The following U2SURP variants were observed in gnomAD, a reference collection of about 807,000 sequenced individuals.
The protein encoded by U2SURP is U2 snRNP-associated SURP motif-containing protein.
Under a neutral mutation model 144.9 loss-of-function variants are expected in U2SURP, and 9 were observed. The ratio of observed to expected loss-of-function variants is 0.06; its 90% CI spans 0.04 to 0.11. The LOEUF (loss-of-function observed/expected upper bound fraction) is 0.11, where lower values mean the gene tolerates loss of function less well. Among genes scored for constraint, U2SURP ranks in the 10% least tolerant of loss-of-function variants. The probability of loss-of-function intolerance (pLI) is 1.00; values close to 1 mark genes in which losing one functional copy is unlikely to be tolerated. For missense variants in U2SURP, 724 were observed against 1,226.7 expected (o/e 0.59, Z 6.12); for synonymous variants, 408 against 396.8 (o/e 1.03, Z -0.33).
At chr3:143,029,437 T>C (rs1031202809) in intron 16 of U2SURP, among the ~76,000 whole-genome samples, 4 of 152,188 alleles carry the variant, frequency 2.6e-5, no homozygotes, top group African/African-American at 9.7e-5. Flanking sequence ...TTCATTATTA[T>C]TGTATCTGTT....
chr3:143,005,373 T>C (rs1466576562), intron 1 of U2SURP, among the ~76,000 whole-genome samples: 2 of 152,240 alleles, frequency 1.3e-5, no homozygotes, highest in Admixed American at 1.3e-4. Context: ...TTTTCATTTT[T>C]TGTGGTACCT....
intron 3 of U2SURP, among the ~76,000 whole-genome samples, chr3:143,012,786 A>C (rs1431303619): frequency 6.6e-6 from 1 of 152,160 alleles, no homozygotes; most frequent in Non-Finnish European, 1.5e-5. Context: ...TGCAGTGCCC[A>C]GGGTAATACA....
chr3:143,004,353 GTTTTTTTT>G (rs869186497), intron 1 of U2SURP, among the ~76,000 whole-genome samples: 29 of 83,422 alleles, frequency 3.5e-4, no homozygotes, highest in East Asian at 2.5e-3. Flanking sequence ...TAGTTGGGGT[GTTTTTTTT>G]TTTTTTTTTT....
intron 20 of U2SURP, among the ~76,000 whole-genome samples, 198 bp downstream of exon 20, chr3:143,036,302 T>C (rs1415009786): frequency 6.6e-6 from 1 of 152,200 alleles, no homozygotes; most frequent in African/African-American, 2.4e-5. Flanking sequence ...TCTTGTGTCC[T>C]TATGTGAAAA....
At chr3:143,001,745 C>G (rs532293687) in intron 1 of U2SURP, 72 bp downstream of exon 1, 1 of 1,585,264 alleles carries the variant, frequency 6.3e-7, no homozygotes, top group Admixed American at 1.7e-5. Flanking sequence ...CGCTTCTGGC[C>G]TGTGAGAGGC....
rs1935273620 is a variant in U2SURP at position 143,059,094 on chromosome 3, G to A, written c.*2644G>A. ...CAGACCTATGATGGAAAATGATCAC[G>A]TCTCTGAATTTTTTCTTTAACGTTA... On this transcript the variant is annotated 3_prime_UTR_variant, in exon 28 of 28. Transcript: ENST00000473835. 1 of 152,314 alleles carries A rather than the reference G, an allele frequency of 6.6e-6. No homozygotes were observed. Among genetic ancestry groups the A allele is most frequent in the Non-Finnish European group, 1.5e-5 (1 of 67,820 alleles). 9.4% of individuals were successfully genotyped at this position (152,314 alleles called of 1,614,324 possible). A position where few individuals can be genotyped will look rare whatever the true frequency, so the allele number is the denominator to read the frequency against.
chr3:143,020,775 G>C, intron 8 of U2SURP, 82 bp downstream of exon 8: 1 of 1,048,140 alleles, frequency 9.5e-7, no homozygotes, highest in Non-Finnish European at 1.4e-6. Context: ...TACATTCCAA[G>C]GATCACCAGT....
At position 143,057,108 on chromosome 3, in the gene U2SURP, G is replaced by A. The variant is rs896034603; in HGVS notation, c.*658G>A. 5.9e-5 allele frequency: 9 copies of A among 152,380 alleles called. No individual in the cohort carries two copies. The highest frequency in any genetic ancestry group is 1.9e-4 in the African/African-American group (8 of 41,418). The allele number at this position is 152,380 out of a possible 1,614,324, so 9.4% of individuals were successfully genotyped here. ...AAAGACTAGGTAGATATGGCATGGCGTTTTGTTAGTGGAATGCCTGGCTAA... is the reference window on the plus strand; with the variant it reads ...AAAGACTAGGTAGATATGGCATGGCATTTTGTTAGTGGAATGCCTGGCTAA... On this transcript the variant is annotated 3_prime_UTR_variant, in exon 28 of 28. Transcript: ENST00000473835.
At chr3:143,019,313 C>T (rs768815976) in intron 6 of U2SURP, among the ~76,000 whole-genome samples, 1 of 152,022 alleles carries the variant, frequency 6.6e-6, no homozygotes, top group Non-Finnish European at 1.5e-5. Flanking sequence ...CTTTTGTTTA[C>T]GCTTTTGGTG....
chr3:143,014,392 G>A lies in U2SURP; in HGVS notation c.304G>A (p.Glu102Lys). The A allele has an allele frequency of 1.2e-6, 2 of 1,603,518 alleles. No homozygotes were observed. The highest frequency in any genetic ancestry group is 1.7e-6 in the Non-Finnish European group (2 of 1,172,812). Residue 102 changes from glutamate to lysine, a missense_variant, in exon 4 of 28, where the codon GAA becomes AAA. Coordinates refer to ENST00000473835, the MANE Select transcript of U2SURP (RefSeq NM_001080415.2). ...GCGAACTTTAAGTAAAAAGGAACAG[G>A]AAGAATTAAAGAAAAAGGTAATGTT... ...AKRTLSKKEQ[E>K]ELKKKEDEKA... is the part of the protein sequence containing the mutation.
intron 23 of U2SURP, 103 bp downstream of exon 23, chr3:143,039,063 T>C (rs1933960486): frequency 1.2e-6 from 1 of 837,502 alleles, no homozygotes; most frequent in Admixed American, 4.3e-5. Flanking sequence ...ACTTCACTCT[T>C]AAAAAATTTT....
chr3:143,017,617 T>C (rs1329479121), intron 6 of U2SURP, among the ~76,000 whole-genome samples: 2 of 151,916 alleles, frequency 1.3e-5, no homozygotes, highest in African/African-American at 4.8e-5. Flanking sequence ...TCACATACAA[T>C]ACAATAAAAT....
rs770237747 is a variant in U2SURP at position 143,001,619 on chromosome 3, A to G, written c.-10A>G. On this transcript the variant is annotated 5_prime_UTR_variant, in exon 1 of 28. Transcript: ENST00000473835. Reference sequence around the variant, plus strand: ...CTGCTGCCGCCGCCGAAGGAGGGGCAAAGCTCAAGATGGCGGACAAAACGC... The same window carrying G: ...CTGCTGCCGCCGCCGAAGGAGGGGCGAAGCTCAAGATGGCGGACAAAACGC... 2.8e-5 allele frequency: 45 copies of G among 1,613,850 alleles called. No individual in the cohort carries two copies. Among genetic ancestry groups the G allele is most frequent in the Non-Finnish European group, 3.6e-5 (42 of 1,179,888 alleles).
chr3:143,043,195 C>A lies in U2SURP; in HGVS notation c.2463C>A (p.Ile821=). 6.2e-7 allele frequency: 1 copy of A among 1,603,790 alleles called. No homozygotes were observed. Among genetic ancestry groups the A allele is most frequent in the Non-Finnish European group, 8.5e-7 (1 of 1,174,554 alleles). The part of the protein sequence containing the change: ...SEEHHLYSNP[I]KEEMTESKFS... ...AACATCATTTGTACTCTAATCCAAT[C>A]AAAGAAGAAATGACTGAGTCTAAGT... Residue 821 remains isoleucine, a synonymous_variant, in exon 24 of 28, where the codon ATC becomes ATA. Transcript: ENST00000473835.
chr3:143,056,251 A>T, intron 27 of U2SURP, 61 bp from the exon 28 acceptor site: 1 of 1,516,994 alleles, frequency 6.6e-7, no homozygotes, highest in Non-Finnish European at 8.9e-7. Flanking sequence ...TCGTTTAAGG[A>T]TAAACAGTTT....
rs1213290741 is a variant in U2SURP, at chr3:143,060,211, GTTTTA to G, written c.*3764_*3768del. 1.3e-5 allele frequency: 2 copies of G among 152,368 alleles called. No individual in the cohort carries two copies. Among genetic ancestry groups the G allele is most frequent in the African/African-American group, 4.8e-5 (2 of 41,412 alleles). 9.4% of individuals were successfully genotyped at this position (152,368 alleles called of 1,614,324 possible). A position where few individuals can be genotyped will look rare whatever the true frequency, so the allele number is the denominator to read the frequency against. On this transcript the variant is annotated 3_prime_UTR_variant, in exon 28 of 28. Coordinates refer to ENST00000473835, the MANE Select transcript of U2SURP (RefSeq NM_001080415.2). ...ATGTAATTGTGCTTGGAGTATTTGTGTTTTATTCTTTTACTTCAACGGGTTCTTGT... is the reference window on the plus strand; with the variant it reads ...ATGTAATTGTGCTTGGAGTATTTGTGTTCTTTTACTTCAACGGGTTCTTGT...
rs1483409465 is a variant in U2SURP, at chr3:143,060,186, A to G, written c.*3736A>G. ...AGATTAAATGCACTCATCATGTCAC[A>G]TGTAATTGTGCTTGGAGTATTTGTG... is the stretch of plus-strand genomic sequence containing the variant. On this transcript the variant is annotated 3_prime_UTR_variant, in exon 28 of 28. Transcript: ENST00000473835. 6.6e-6 allele frequency: 1 copy of G among 152,414 alleles called. No individual in the cohort carries two copies. Among genetic ancestry groups the G allele is most frequent in the Non-Finnish European group, 1.5e-5 (1 of 67,868 alleles). 9.4% of individuals were successfully genotyped at this position (152,414 alleles called of 1,614,324 possible).
chr3:143,038,206 GAGTAAA>G lies in U2SURP; in HGVS notation c.2317+11_2317+16del, dbSNP rs981702672. On this transcript the variant is annotated splice_donor_5th_base_variant and intron_variant, in intron 22 of 27. Transcript: ENST00000473835. ...TGAATCTGAATTGGAAGCACAGGGT[GAGTAAA>G]AGTAAAATAAATATTTTTTAAATTA... 8.8e-6 allele frequency: 14 copies of G among 1,584,034 alleles called. No homozygotes were observed. Among genetic ancestry groups the G allele is most frequent in the Non-Finnish European group, 1.2e-5 (14 of 1,166,384 alleles).
intron 19 of U2SURP, 50 bp from the exon 20 acceptor site, chr3:143,035,932 A>G (rs368933081): frequency 2.6e-6 from 4 of 1,518,116 alleles, no homozygotes; most frequent in Non-Finnish European, 3.5e-6. Context: ...CTGAAATTTG[A>G]GACATATAGC....
Sources: gnomAD v4.1 joint callset for allele counts (sites outside exome capture counted in the v4.1 genomes callset) on GRCh38, gnomAD v4.1.1 for gene constraint, MANE v1.5 for transcripts, NCBI Gene and HGNC (gene_info 2026-07-23, HGNC 2026-07-21) for gene names.